Variants in RNF212 observed in about 807,000 individuals in gnomAD.
RNF212 encodes the protein ring finger protein 212, also known as probable E3 SUMO-protein ligase RNF212.
RNF212 carries 33 observed loss-of-function variants against 34.7 expected under a neutral mutation model. The observed-to-expected ratio is 0.95, with a 90% CI of 0.72 to 1.27. RNF212 has a LOEUF of 1.27. RNF212 is among the 50% of genes most tolerant of loss of function. RNF212 has a pLI of 0.00. For synonymous variants in RNF212, 140 were observed against 136.1 expected (o/e 1.03, Z -0.20); for missense variants, 377 against 362.2 (o/e 1.04, Z -0.33).
At chr4:1,060,431 G>A (rs1320461670) in intron 3 of RNF212, among the ~76,000 whole-genome samples, 1 of 152,192 alleles carries the variant, frequency 6.6e-6, no homozygotes, top group South Asian at 2.1e-4. Context: ...AGGAAGGCCC[G>A]AAAGCCACCC....
chr4:1,095,808 C>T (rs892169666), intron 3 of RNF212, among the ~76,000 whole-genome samples: 1 of 82,424 alleles, frequency 1.2e-5, no homozygotes, highest in East Asian at 3.2e-4. Context: ...AAGCACACCC[C>T]CCACAGCTCC....
chr4:1,099,970 A>C (rs1410136137), intron 2 of RNF212: 6 of 437,544 alleles, frequency 1.4e-5, no homozygotes, highest in Non-Finnish European at 2.8e-5. Context: ...TGATGCAGCC[A>C]CTGCCGCTAG....
chr4:1,060,406 C>T (rs573019718), intron 3 of RNF212, among the ~76,000 whole-genome samples: 4 of 152,286 alleles, frequency 2.6e-5, no homozygotes, highest in South Asian at 2.1e-4. Context: ...AGAAAGGGGC[C>T]GCCAGGGATG....
intron 2 of RNF212, 140 bp from the exon 3 acceptor site, chr4:1,096,979 C>T: frequency 1.4e-6 from 1 of 698,814 alleles, no homozygotes; most frequent in Non-Finnish European, 2.6e-6. Context: ...CTCTCAGGGG[C>T]CCTGCCAGGG....
downstream of RNF212, among the ~76,000 whole-genome samples, chr4:1,068,424 T>C (rs1718230521): frequency 6.6e-6 from 1 of 152,240 alleles, no homozygotes; most frequent in Non-Finnish European, 1.5e-5. Flanking sequence ...GCTGTGTTTT[T>C]AGAGTTATGT....
At chr4:1,112,819 C>T (rs1433102761) in intron 1 of RNF212, among the ~76,000 whole-genome samples, 3 of 99,530 alleles carry the variant, frequency 3.0e-5, no homozygotes, top group Non-Finnish European at 6.2e-5. Flanking sequence ...TCCCCCTTCC[C>T]CCCCAAGCCT....
chr4:1,066,838 T>C (rs78497787), downstream of RNF212, among the ~76,000 whole-genome samples: 1,669 of 152,254 alleles, frequency 0.011, 56 homozygotes, highest in East Asian at 0.12. Context: ...TTTTGTTGCC[T>C]GTGCTTTGGT....
chr4:1,067,326 G>T (rs1025627006), downstream of RNF212, among the ~76,000 whole-genome samples: 2 of 152,078 alleles, frequency 1.3e-5, no homozygotes, highest in African/African-American at 4.8e-5. Flanking sequence ...ACAAAAAACA[G>T]CAAGACAGCA....
At chr4:1,101,214 T>C (rs1315484121) in intron 2 of RNF212, 1 of 276,404 alleles carries the variant, frequency 3.6e-6, no homozygotes, top group East Asian at 9.1e-5. Context: ...GCAGTAGCCG[T>C]GGTGGCATCT....
intron 4 of RNF212, 88 bp downstream of exon 4, chr4:1,090,694 C>A: frequency 1.3e-6 from 1 of 790,280 alleles, no homozygotes; most frequent in Non-Finnish European, 2.3e-6. Context: ...CAGCCATCCC[C>A]TTTGAGAGCA....
intron 4 of RNF212, among the ~76,000 whole-genome samples, chr4:1,086,438 G>A (rs1034158759): frequency 6.6e-6 from 1 of 151,088 alleles, no homozygotes; most frequent in Admixed American, 6.6e-5. Context: ...CAGGTTTGCT[G>A]GGAGGATTAG....
chr4:1,073,094 A>C lies in RNF212; in HGVS notation c.674T>G (p.Phe225Cys). The C allele has an allele frequency of 6.2e-7, 1 of 1,614,222 alleles. No individual in the cohort carries two copies. The highest frequency in any genetic ancestry group is 8.5e-7 in the Non-Finnish European group (1 of 1,180,042). Residue 225 changes from phenylalanine (F) to cysteine (C), a missense_variant, in exon 10 of 10, where the codon TTC becomes TGC. Coordinates refer to ENST00000433731, the MANE Select transcript of RNF212 (RefSeq NM_001131034.4). ...ECVISRGSPCFCIDVCPHWLL... is the reference protein window; with the variant it reads ...ECVISRGSPCCCIDVCPHWLL... ...CCAGTGAGGACAGACGTCTATGCAGAAACATGGTGAACCTCTGGAAATGAC... is the reference window on the plus strand; with the variant it reads ...CCAGTGAGGACAGACGTCTATGCAGCAACATGGTGAACCTCTGGAAATGAC...
In RNF212 at chr4:1,104,215, T is replaced by C. The variant is rs529765298; in HGVS notation, c.171+4128A>G. On this transcript the variant is annotated intron_variant, in intron 2 of 9. Transcript: ENST00000433731. ...ATAACAATCCCAACAGGATTCTGTG[T>C]CTGTGGAAATTGACGACATGCCTCC... 4.6e-5 allele frequency among the ~76,000 whole-genome samples: 7 copies of C among 152,356 alleles called. No individual in the cohort carries two copies. The South Asian group carries it at 1.2e-3, about 27-fold the overall frequency.
intron 5 of RNF212, among the ~76,000 whole-genome samples, chr4:1,084,533 T>C (rs545878429): frequency 2.3e-4 from 35 of 151,988 alleles, no homozygotes; most frequent in Middle Eastern, 3.4e-3. Context: ...AGTCCAAGAC[T>C]AGCCTGGGTA....
chr4:1,056,552 GGGA>G (rs1235989996), intron 4 of RNF212: 1 of 922,152 alleles, frequency 1.1e-6, no homozygotes, highest in Admixed American at 6.2e-5. Flanking sequence ...AAATAAGGTG[GGGA>G]GAAGAGTTTA....
At chr4:1,081,808 C>T (rs758100438) in intron 5 of RNF212, 189 bp from the exon 6 acceptor site, 10 of 581,222 alleles carry the variant, frequency 1.7e-5, no homozygotes, top group Admixed American at 3.0e-5. Context: ...TCCTCCCTAG[C>T]GCTGAAGCCA....
At chr4:1,102,804 A>G (rs374611459) in intron 2 of RNF212, among the ~76,000 whole-genome samples, 15 of 152,078 alleles carry the variant, frequency 9.9e-5, no homozygotes, top group African/African-American at 3.1e-4. Flanking sequence ...GTGAGCCAAG[A>G]CTGCGCCACT....
At chr4:1,113,669 C>G (rs1160259791), upstream of RNF212, 1 of 473,828 alleles carries the variant, frequency 2.1e-6, no homozygotes, top group Non-Finnish European at 3.7e-6. Context: ...GCGTGTGACT[C>G]GTCTCCCAGG....
intron 4 of RNF212, among the ~76,000 whole-genome samples, chr4:1,088,209 A>C (rs1721646768): frequency 6.6e-6 from 1 of 152,202 alleles, no homozygotes; most frequent in Non-Finnish European, 1.5e-5. Context: ...TGGATGGTGA[A>C]GTTCAGGCTG....
Sources: gnomAD v4.1 joint callset for allele counts (sites outside exome capture counted in the v4.1 genomes callset) on GRCh38, gnomAD v4.1.1 for gene constraint, MANE v1.5 for transcripts, NCBI Gene and HGNC (gene_info 2026-07-23, HGNC 2026-07-21) for gene names.